Variants in DOCK3 observed in about 807,000 individuals in gnomAD.
DOCK3 encodes the protein dedicator of cytokinesis 3.
In DOCK3, 60 loss-of-function variants were observed where a neutral mutation model predicts 265.6. That is an observed-to-expected ratio of 0.23 (90% CI 0.18 to 0.28). The LOEUF is 0.28. Ranked by LOEUF, DOCK3 falls within the 10% of genes least tolerant of loss-of-function variation. The pLI is 1.00. For synonymous variants in DOCK3, 881 were observed against 938.0 expected (o/e 0.94, Z 1.11); for missense variants, 1,981 against 2,594.3 (o/e 0.76, Z 5.14).
chr3:51,229,097 G>A (rs1162215144), intron 18 of DOCK3, among the ~76,000 whole-genome samples: 2 of 152,204 alleles, frequency 1.3e-5, no homozygotes, highest in African/African-American at 4.8e-5. Flanking sequence ...AGCTAGTTCT[G>A]TTCCTCTAGA....
At chr3:51,252,819 T>C (rs1174424116) in intron 22 of DOCK3, among the ~76,000 whole-genome samples, 1 of 152,246 alleles carries the variant, frequency 6.6e-6, no homozygotes, top group Non-Finnish European at 1.5e-5. Flanking sequence ...CAGGGACAAT[T>C]TGACTTCCTC....
At chr3:51,039,179 A>G (rs1181255836) in intron 5 of DOCK3, among the ~76,000 whole-genome samples, 1 of 152,010 alleles carries the variant, frequency 6.6e-6, no homozygotes, top group Admixed American at 6.6e-5. Context: ...TATTTTTAGT[A>G]GAGATGAGGT....
At chr3:50,778,166 T>G (rs981453125) in intron 1 of DOCK3, among the ~76,000 whole-genome samples, 1 of 152,180 alleles carries the variant, frequency 6.6e-6, no homozygotes, top group African/African-American at 2.4e-5. Context: ...GGATTTTGAT[T>G]GTTATCTATA....
intron 33 of DOCK3, among the ~76,000 whole-genome samples, chr3:51,331,536 G>A (rs1316292265): frequency 6.6e-6 from 1 of 151,388 alleles, no homozygotes; most frequent in African/African-American, 2.4e-5. Flanking sequence ...TGTGTTTTTG[G>A]AAGATGTTTG....
intron 5 of DOCK3, among the ~76,000 whole-genome samples, chr3:50,948,723 C>G (rs944795548): frequency 2.0e-5 from 3 of 151,840 alleles, no homozygotes; most frequent in Non-Finnish European, 2.9e-5. Context: ...CAAGTTATGT[C>G]CTGACTTGGA....
intron 12 of DOCK3, among the ~76,000 whole-genome samples, chr3:51,200,595 T>A (rs1320475431): frequency 6.6e-6 from 1 of 151,692 alleles, no homozygotes; most frequent in Non-Finnish European, 1.5e-5. Context: ...GGGAAAACAC[T>A]CTGCAGAATA....
At chr3:51,076,410 G>T (rs1441129239) in intron 7 of DOCK3, among the ~76,000 whole-genome samples, 2 of 152,124 alleles carry the variant, frequency 1.3e-5, no homozygotes, top group Admixed American at 6.5e-5. Flanking sequence ...AGAGCAGCTT[G>T]GACAACATAG....
At chr3:51,086,501 A>G (rs2082434376) in intron 7 of DOCK3, among the ~76,000 whole-genome samples, 1 of 152,188 alleles carries the variant, frequency 6.6e-6, no homozygotes, top group Admixed American at 6.5e-5. Context: ...CTGATGCCAC[A>G]GAAGTACACA....
intron 3 of DOCK3, among the ~76,000 whole-genome samples, chr3:50,868,896 A>T (rs2047273783): frequency 8.9e-6 from 1 of 112,886 alleles, no homozygotes; most frequent in African/African-American, 4.1e-5. Flanking sequence ...TTATTTGGAT[A>T]ATCTGTTTTT....
chr3:50,821,980 C>T (rs1470129492), intron 2 of DOCK3, among the ~76,000 whole-genome samples: 1 of 152,056 alleles, frequency 6.6e-6, no homozygotes, highest in African/African-American at 2.4e-5. Flanking sequence ...GATTGCTTTG[C>T]TATTTGGGCT....
At chr3:51,103,969 A>G (rs6793613) in intron 9 of DOCK3, among the ~76,000 whole-genome samples, 137,187 of 152,242 alleles carry the variant, frequency 0.9, 62,010 homozygotes, top group African/African-American at 0.95. Flanking sequence ...AATATGCGAC[A>G]TGTTCAATTA....
Position 50,675,948 on chromosome 3 carries a change from TGTAA to T in DOCK3, c.37+651_37+654del, listed in dbSNP as rs1384199816. The stretch of plus-strand genomic sequence containing the variant: ...CCTCTTAGAAACCTTTTTTTAATGT[TGTAA>T]GTGTTAAACTCCAGAAGCTAAATAA... On this transcript the variant is annotated intron_variant, in intron 1 of 52. Transcript: ENST00000266037. The surrounding 1 kb of genome is among the most constrained non-coding windows in gnomAD (Gnocchi z 6.1). Among the ~76,000 whole-genome samples the T allele has an allele frequency of 1.1e-4, 16 of 152,346 alleles. No individual in the cohort carries two copies. Among genetic ancestry groups the T allele is most frequent in the Admixed American group, 1.3e-4 (2 of 15,304 alleles).
In DOCK3 at chr3:50,796,206, AAT is replaced by A. The variant is rs376969253; in HGVS notation, c.121+17449_121+17450del. 8.1e-4 allele frequency among the ~76,000 whole-genome samples: 122 copies of A among 150,298 alleles called. No individual in the cohort carries two copies. In the East Asian group the frequency reaches 0.023, roughly 28 times the overall value. On this transcript the variant is annotated intron_variant, in intron 2 of 52. Transcript: ENST00000266037. ...TAGGCGCCCACCACCATGCCCAGCT[AAT>A]TTTTTTTTGTATTTTTAGTAGAGAC... is the stretch of plus-strand genomic sequence containing the variant.
At chr3:51,365,630 A>T (rs1174836628) in intron 49 of DOCK3, among the ~76,000 whole-genome samples, 1 of 152,182 alleles carries the variant, frequency 6.6e-6, no homozygotes, top group African/African-American at 2.4e-5. Context: ...GGTTTGTCAT[A>T]AGTAGCTCTT....
intron 23 of DOCK3, among the ~76,000 whole-genome samples, chr3:51,266,937 C>T (rs897963921): frequency 1.4e-4 from 22 of 152,056 alleles, no homozygotes; most frequent in South Asian, 2.1e-4. Context: ...ATCTGACAAA[C>T]GGCTAATATC....
At chr3:50,838,180 G>C (rs2045619834) in intron 2 of DOCK3, among the ~76,000 whole-genome samples, 1 of 152,166 alleles carries the variant, frequency 6.6e-6, no homozygotes, top group South Asian at 2.1e-4. Flanking sequence ...AAGTTGGAGA[G>C]TTGCAGCAAG....
chr3:50,690,012 C>T (rs919332357), intron 1 of DOCK3, among the ~76,000 whole-genome samples: 34 of 152,048 alleles, frequency 2.2e-4, no homozygotes, highest in African/African-American at 7.5e-4. Context: ...TTTGTTTGTA[C>T]TTGTGGTGTC....
chr3:51,317,566 C>G lies in DOCK3; in HGVS notation c.3402+2438C>G, dbSNP rs541953985. 8.1e-4 allele frequency among the ~76,000 whole-genome samples: 115 copies of G among 141,612 alleles called. 1 individual carries two copies. Among genetic ancestry groups the G allele is most frequent in the Admixed American group, 2.8e-3 (39 of 13,982 alleles). The allele number at this position is 141,612 out of a possible 152,430, so 92.9% of individuals were successfully genotyped here. A position where few individuals can be genotyped will look rare whatever the true frequency, so the allele number is the denominator to read the frequency against. On this transcript the variant is annotated intron_variant, in intron 32 of 52. Transcript: ENST00000266037. Reference sequence around the variant, plus strand: ...CTGCACTCCAGCCTAGGCAACAGAGCGAGACTCCATCACAAAATAATAATA... The same window carrying G: ...CTGCACTCCAGCCTAGGCAACAGAGGGAGACTCCATCACAAAATAATAATA...
At chr3:50,846,551 G>T (rs146787192) in intron 3 of DOCK3, among the ~76,000 whole-genome samples, 380 of 152,232 alleles carry the variant, frequency 2.5e-3, no homozygotes, top group Non-Finnish European at 4.5e-3. Flanking sequence ...CCTCTTCCTT[G>T]ATGTTTTGGA....
Sources: gnomAD v4.1 joint callset for allele counts (sites outside exome capture counted in the v4.1 genomes callset) on GRCh38, gnomAD v4.1.1 for gene constraint, Gnocchi (gnomAD v3.1) non-coding constraint, MANE v1.5 for transcripts, NCBI Gene and HGNC (gene_info 2026-07-23, HGNC 2026-07-21) for gene names.